The following BORCS5 variants were observed in gnomAD, a reference collection of about 807,000 sequenced individuals.
The protein encoded by BORCS5 is BLOC-1 related complex subunit 5, also known as BLOC-1-related complex subunit 5.
BORCS5 carries 17 observed loss-of-function variants against 22.1 expected under a neutral mutation model. The observed-to-expected ratio is 0.77, with a 90% CI of 0.53 to 1.15. The LOEUF is 1.15. Ranked by LOEUF, BORCS5 falls within the 50% of genes most tolerant of loss-of-function variation. BORCS5 has a pLI of 0.00. For synonymous variants in BORCS5, 117 were observed against 99.8 expected (o/e 1.17, Z -1.03); for missense variants, 247 against 253.2 (o/e 0.98, Z 0.17).
chr12:12,399,661 T>TTGA (rs1375170308), intron 2 of BORCS5, among the ~76,000 whole-genome samples: 4 of 152,224 alleles, frequency 2.6e-5, no homozygotes, highest in African/African-American at 9.7e-5. Flanking sequence ...CCCTCTGAGA[T>TTGA]AATTACAGCA....
intron 2 of BORCS5, among the ~76,000 whole-genome samples, chr12:12,385,322 G>A (rs945934515): frequency 6.6e-6 from 1 of 151,392 alleles, no homozygotes; most frequent in Non-Finnish European, 1.5e-5. Flanking sequence ...CAATTCTACT[G>A]ATGACACCGC....
At chr12:12,389,888 C>T (rs776007878) in intron 2 of BORCS5, among the ~76,000 whole-genome samples, 20 of 152,208 alleles carry the variant, frequency 1.3e-4, no homozygotes, top group Non-Finnish European at 2.2e-4. Flanking sequence ...AAGTGATCTT[C>T]CTGTCTCGGC....
intron 3 of BORCS5, among the ~76,000 whole-genome samples, chr12:12,445,370 C>T (rs1402110845): frequency 6.6e-6 from 1 of 151,874 alleles, no homozygotes; most frequent in Non-Finnish European, 1.5e-5. Context: ...AATGATTAGA[C>T]AGAAGGTAAC....
chr12:12,421,029 A>C (rs1425961635), intron 2 of BORCS5, among the ~76,000 whole-genome samples: 2 of 152,150 alleles, frequency 1.3e-5, no homozygotes, highest in Admixed American at 1.3e-4. Flanking sequence ...TTCCTAATTG[A>C]ATATCCTTTA....
At chr12:12,450,981 G>C (rs7975061) in intron 3 of BORCS5, among the ~76,000 whole-genome samples, 25,345 of 152,080 alleles carry the variant, frequency 0.17, 3,212 homozygotes, top group African/African-American at 0.36. Flanking sequence ...ATTATATACT[G>C]GGTTCTATCT....
At chr12:12,457,311 G>T (rs1370513709) in intron 3 of BORCS5, among the ~76,000 whole-genome samples, 1 of 152,230 alleles carries the variant, frequency 6.6e-6, no homozygotes, top group Non-Finnish European at 1.5e-5. Context: ...GCAAGATTTT[G>T]ACTCAGTTCT....
At chr12:12,464,316 C>T (rs574009047) in intron 3 of BORCS5, among the ~76,000 whole-genome samples, 13 of 152,216 alleles carry the variant, frequency 8.5e-5, no homozygotes, top group South Asian at 2.1e-4. Flanking sequence ...GTGCTTCGGT[C>T]GCCTCCCGCC....
At chr12:12,437,379 T>C (rs947835042) in intron 3 of BORCS5, among the ~76,000 whole-genome samples, 9 of 152,234 alleles carry the variant, frequency 5.9e-5, no homozygotes, top group Non-Finnish European at 7.3e-5. Context: ...CTCTTTCCTT[T>C]ATAAATTACC....
At position 12,357,421 on chromosome 12, in the gene BORCS5, C is replaced by T. The variant is rs1863166419; in HGVS notation, c.-31C>T. ...GCCGGAGCGGTGACCGCCCGGCCCG[C>T]CGTTCTTCTGCTGCCACCGCTGTCG... On this transcript the variant is annotated 5_prime_UTR_variant, in exon 1 of 4. Coordinates refer to ENST00000314565, the MANE Select transcript of BORCS5 (RefSeq NM_058169.6). 1 of 1,600,354 alleles carries T rather than the reference C, an allele frequency of 6.2e-7. No homozygotes were observed. Among genetic ancestry groups the T allele is most frequent in the Non-Finnish European group, 8.5e-7 (1 of 1,170,524 alleles).
intron 2 of BORCS5, among the ~76,000 whole-genome samples, chr12:12,432,576 G>T (rs760268210): frequency 5.9e-5 from 9 of 152,160 alleles, no homozygotes; most frequent in Non-Finnish European, 1.3e-4. Context: ...GTACATGACT[G>T]CTCACAGCAG....
chr12:12,401,007 C>G (rs902729444), intron 2 of BORCS5, among the ~76,000 whole-genome samples: 1 of 152,096 alleles, frequency 6.6e-6, no homozygotes, highest in African/African-American at 2.4e-5. Context: ...ATTTTCACTG[C>G]TGCGTAGTAT....
intron 2 of BORCS5, among the ~76,000 whole-genome samples, chr12:12,422,987 T>A (rs200024048): frequency 7.9e-5 from 12 of 151,252 alleles, no homozygotes; most frequent in East Asian, 5.8e-4. Flanking sequence ...TGGGCTTTTT[T>A]TTTTTTATTT....
At position 12,462,291 on chromosome 12, in the gene BORCS5, A is replaced by G. The variant is rs1943120821; in HGVS notation, c.361-3255A>G. 2.0e-5 allele frequency among the ~76,000 whole-genome samples: 3 copies of G among 152,240 alleles called. No homozygotes were observed. In the South Asian group the frequency reaches 6.2e-4, roughly 31 times the overall value. On this transcript the variant is annotated intron_variant, in intron 3 of 3. Coordinates refer to ENST00000314565, the MANE Select transcript of BORCS5 (RefSeq NM_058169.6). Reference sequence around the variant, plus strand: ...ACTCTTGTTATCCCCACTACCTTGCAGATGAGGAAACCGAGGCTTACGTAT... The same window carrying G: ...ACTCTTGTTATCCCCACTACCTTGCGGATGAGGAAACCGAGGCTTACGTAT...
At chr12:12,416,273 A>G (rs1941951831) in intron 2 of BORCS5, among the ~76,000 whole-genome samples, 4 of 151,378 alleles carry the variant, frequency 2.6e-5, no homozygotes, top group Admixed American at 2.6e-4. Context: ...TAAAGAATCA[A>G]CTTTTGGTGC....
chr12:12,456,993 A>G (rs1185077854), intron 3 of BORCS5, among the ~76,000 whole-genome samples: 1 of 151,988 alleles, frequency 6.6e-6, no homozygotes, highest in Admixed American at 6.5e-5. Flanking sequence ...GGATATCACA[A>G]AATGTCATTC....
In BORCS5 at chr12:12,378,580, A is replaced by C. The variant is rs78036847; in HGVS notation, c.202+17231A>C. Among the ~76,000 whole-genome samples, 1,449 of 151,900 alleles carry C rather than the reference A, an allele frequency of 9.5e-3. 101 individuals carry two copies. The East Asian group carries it at 0.16, about 17-fold the overall frequency. On this transcript the variant is annotated intron_variant, in intron 2 of 3. Transcript: ENST00000314565. ...TATAAGAGTCAAAGTCTTGAAAGAC[A>C]AGGAACAATTGAAGAATTATCACAG...
At chr12:12,378,100 G>A (rs1203981635) in intron 2 of BORCS5, among the ~76,000 whole-genome samples, 3 of 152,146 alleles carry the variant, frequency 2.0e-5, no homozygotes, top group Admixed American at 1.3e-4. Flanking sequence ...GGCCGGGCAC[G>A]GTGGCTCACA....
At chr12:12,420,338 C>T (rs1476105777) in intron 2 of BORCS5, among the ~76,000 whole-genome samples, 2 of 152,144 alleles carry the variant, frequency 1.3e-5, no homozygotes, top group Non-Finnish European at 2.9e-5. Context: ...TCAGGTTTGT[C>T]AAAAATCAGA....
Position 12,410,978 on chromosome 12 carries a change from C to T in BORCS5, c.203-24650C>T, listed in dbSNP as rs139392505. Among the ~76,000 whole-genome samples, 910 of 152,188 alleles carry T rather than the reference C, an allele frequency of 6.0e-3. 5 individuals are homozygous for T. Among genetic ancestry groups the T allele is most frequent in the Non-Finnish European group, 9.3e-3 (630 of 68,004 alleles). ...GTTGGATCCCTAGGTATTTTATTCT[C>T]TTTGAAGGAATTGTGAATGGGAGTT... On this transcript the variant is annotated intron_variant, in intron 2 of 3. Coordinates refer to ENST00000314565, the MANE Select transcript of BORCS5 (RefSeq NM_058169.6).
Sources: allele counts gnomAD v4.1 joint callset (sites outside exome capture counted in the v4.1 genomes callset), GRCh38; gene constraint gnomAD v4.1.1; transcripts MANE v1.5; gene names NCBI Gene and HGNC (gene_info 2026-07-23, HGNC 2026-07-21).